Variants in RXRA observed in about 807,000 individuals in gnomAD.
The protein encoded by RXRA is retinoid X receptor alpha, also known as retinoic acid receptor RXR-alpha.
In RXRA, 5 loss-of-function variants were observed where a neutral mutation model predicts 44.5. That is an observed-to-expected ratio of 0.11 (90% CI 0.06 to 0.24). RXRA has a LOEUF of 0.24. Among genes scored for constraint, RXRA ranks in the 10% least tolerant of loss-of-function variants. The pLI, the probability that RXRA is intolerant of heterozygous loss-of-function variation, is 1.00. For missense variants in RXRA, 412 were observed against 646.5 expected (o/e 0.64, Z 3.93); for synonymous variants, 291 against 271.4 (o/e 1.07, Z -0.71).
In RXRA at chr9:134,391,303, G is replaced by T. The variant is rs566312749; in HGVS notation, c.29-10329G>T. Reference sequence around the variant, plus strand: ...AGGGGTGTTCCTGAGCCAGGTGGCCGTGCACATGAAGGTGGAGACGAGAGC... The same window carrying T: ...AGGGGTGTTCCTGAGCCAGGTGGCCTTGCACATGAAGGTGGAGACGAGAGC... On this transcript the variant is annotated intron_variant, in intron 1 of 9. Coordinates refer to ENST00000481739, the MANE Select transcript of RXRA (RefSeq NM_002957.6). Among the ~76,000 whole-genome samples the T allele has an allele frequency of 1.0e-3, 153 of 152,324 alleles. 2 individuals carry two copies. The highest frequency in any genetic ancestry group is 1.7e-3 in the Non-Finnish European group (113 of 68,012).
At chr9:134,330,938 C>G (rs1554746559) in intron 1 of RXRA, among the ~76,000 whole-genome samples, 1 of 152,236 alleles carries the variant, frequency 6.6e-6, no homozygotes, top group Non-Finnish European at 1.5e-5. Flanking sequence ...TATCCTGTGG[C>G]TAGGTCCTCT....
At chr9:134,331,801 G>A (rs974803336) in intron 1 of RXRA, among the ~76,000 whole-genome samples, 25 of 152,300 alleles carry the variant, frequency 1.6e-4, no homozygotes, top group African/African-American at 4.8e-4. Context: ...CTTGACTGGC[G>A]GGGGCCGCCT....
chr9:134,344,666 C>T (rs1830128732), intron 1 of RXRA, among the ~76,000 whole-genome samples: 1 of 152,148 alleles, frequency 6.6e-6, no homozygotes. Flanking sequence ...TCTGTGGCTC[C>T]CCAGGGTGGA....
chr9:134,436,641 C>A lies in RXRA; in HGVS notation c.*27C>A, dbSNP rs751034931. 1.2e-6 allele frequency: 2 copies of A among 1,612,396 alleles called. No homozygotes were observed. The stretch of plus-strand genomic sequence containing the variant: ...CCTGCGGGCCCATCCTTTGTGCCCA[C>A]CCGTTCTGGCCACCCTGCCTGGACG... On this transcript the variant is annotated 3_prime_UTR_variant, in exon 10 of 10. Transcript: ENST00000481739.
intron 7 of RXRA, among the ~76,000 whole-genome samples, chr9:134,430,177 C>T (rs541456346): frequency 1.1e-3 from 166 of 152,354 alleles, no homozygotes; most frequent in African/African-American, 3.7e-3. Context: ...TGAGCCGCCG[C>T]GCCCGGCCTC....
Position 134,336,120 on chromosome 9 carries a change from G to T in RXRA, c.28+9461G>T, listed in dbSNP as rs1830000763. Among the ~76,000 whole-genome samples the T allele has an allele frequency of 1.3e-5, 2 of 152,164 alleles. 1 individual carries two copies. The highest frequency in any genetic ancestry group is 4.1e-4 in the South Asian group (2 of 4,830). ...GCAGGGAGGCGGGGCCTTCGTCAGG[G>T]GTGCCAGGTCACTCTGGGCACAGAC... On this transcript the variant is annotated intron_variant, in intron 1 of 9. Transcript: ENST00000481739.
intron 1 of RXRA, among the ~76,000 whole-genome samples, chr9:134,369,729 G>T (rs926170631): frequency 6.6e-6 from 1 of 151,998 alleles, no homozygotes; most frequent in Non-Finnish European, 1.5e-5. Flanking sequence ...GAGGCCTCTC[G>T]GGTATCCTGT....
rs1375177570 is a variant in RXRA at position 134,366,043 on chromosome 9, C to T, written c.29-35589C>T. ...GCCTCCACCCCTGCCTCCACCCCTC[C>T]CTTTTTGGGAGGTGGGGCTTGGCAT... On this transcript the variant is annotated intron_variant, in intron 1 of 9. Transcript: ENST00000481739. The surrounding 1 kb of genome is among the most constrained non-coding windows in gnomAD (Gnocchi z 5.9). 6.6e-5 allele frequency among the ~76,000 whole-genome samples: 10 copies of T among 152,160 alleles called. No homozygotes were observed. The highest frequency in any genetic ancestry group is 6.5e-4 in the Admixed American group (10 of 15,284).
chr9:134,361,596 A>G (rs1830352835), intron 1 of RXRA, among the ~76,000 whole-genome samples: 1 of 152,210 alleles, frequency 6.6e-6, no homozygotes, highest in African/African-American at 2.4e-5. Context: ...AGGGCCTTCC[A>G]CACCGTCAGT....
At position 134,343,532 on chromosome 9, in the gene RXRA, A is replaced by G. The variant is rs1187193655; in HGVS notation, c.28+16873A>G. ...GCATTTTTTTGGGAGGAGTGGTTGC[A>G]GGGGCAGCTAGTTCTGGAACCATCC... On this transcript the variant is annotated intron_variant, in intron 1 of 9. Coordinates refer to ENST00000481739, the MANE Select transcript of RXRA (RefSeq NM_002957.6). This position sits in a 1 kb window ranked among gnomAD's most constrained non-coding sequence, Gnocchi z 4.1. Among the ~76,000 whole-genome samples, 5 of 152,086 alleles carry G rather than the reference A, an allele frequency of 3.3e-5. No individual in the cohort carries two copies. Among genetic ancestry groups the G allele is most frequent in the Non-Finnish European group, 7.4e-5 (5 of 68,002 alleles).
chr9:134,431,626 C>T (rs1380358156), intron 7 of RXRA, among the ~76,000 whole-genome samples: 1 of 152,220 alleles, frequency 6.6e-6, no homozygotes, highest in Admixed American at 6.5e-5. Context: ...CTCCTTAGCA[C>T]CTCGGTTCCC....
rs533431481 is a variant in RXRA at position 134,353,625 on chromosome 9, G to A, written c.28+26966G>A. On this transcript the variant is annotated intron_variant, in intron 1 of 9. Transcript: ENST00000481739. The stretch of plus-strand genomic sequence containing the variant: ...TGCTTCTCCCCACAGCTAGCGGGGA[G>A]GACGTTGGCAGCTTTTCTGCCTCCT... Among the ~76,000 whole-genome samples the A allele has an allele frequency of 2.6e-5, 4 of 152,342 alleles. No individual in the cohort carries two copies. In the South Asian group the frequency reaches 8.3e-4, roughly 32 times the overall value.
At chr9:134,398,508 C>T (rs1830913419) in intron 1 of RXRA, among the ~76,000 whole-genome samples, 1 of 152,216 alleles carries the variant, frequency 6.6e-6, no homozygotes, top group South Asian at 2.1e-4. Flanking sequence ...GTCACCCAGG[C>T]TCTGGGAAGG....
Position 134,326,530 on chromosome 9 carries a change from C to T in RXRA, c.-102C>T, listed in dbSNP as rs1453731725. ...CGCGCGCCGCCGCCGCCACCGCAGCCGCCGGCTCCCCGCCGCCCGGGCCCG... is the reference window on the plus strand; with the variant it reads ...CGCGCGCCGCCGCCGCCACCGCAGCTGCCGGCTCCCCGCCGCCCGGGCCCG... On this transcript the variant is annotated 5_prime_UTR_variant, in exon 1 of 10. Coordinates refer to ENST00000481739, the MANE Select transcript of RXRA (RefSeq NM_002957.6). 5.7e-5 allele frequency: 9 copies of T among 158,324 alleles called. No individual in the cohort carries two copies. Among genetic ancestry groups the T allele is most frequent in the Non-Finnish European group, 8.9e-5 (7 of 78,420 alleles). 9.8% of individuals were successfully genotyped at this position (158,324 alleles called of 1,614,324 possible). A position where few individuals can be genotyped will look rare whatever the true frequency, so the allele number is the denominator to read the frequency against.
intron 6 of RXRA, chr9:134,424,904 C>A: frequency 1.2e-5 from 12 of 985,460 alleles, no homozygotes; most frequent in Non-Finnish European, 1.4e-5. Flanking sequence ...CGCCCAGCTC[C>A]GGCAGGTGCC....
chr9:134,377,378 T>C (rs528013175), intron 1 of RXRA, among the ~76,000 whole-genome samples: 1 of 151,858 alleles, frequency 6.6e-6, no homozygotes, highest in African/African-American at 2.4e-5. Flanking sequence ...ATGGGAGGCC[T>C]GGAGCATGGG....
chr9:134,369,012 GT>G (rs1349993067), intron 1 of RXRA, among the ~76,000 whole-genome samples: 8 of 80,646 alleles, frequency 9.9e-5, no homozygotes, highest in Admixed American at 5.2e-4. Flanking sequence ...GTGTGTGTGT[GT>G]GGGGGGGGTT....
intron 1 of RXRA, among the ~76,000 whole-genome samples, chr9:134,344,485 C>T (rs1392555010): frequency 6.6e-6 from 1 of 152,186 alleles, no homozygotes; most frequent in African/African-American, 2.4e-5. Context: ...GGCACCCGCC[C>T]AAGGCTTAGA....
chr9:134,432,011 C>T lies in RXRA; in HGVS notation c.1135+15C>T, dbSNP rs202134357. ...CTTTAACCCTGGTATGGCCTTCCTG[C>T]CTTGAGGCTTCTGGCCCCGTTCTCT... On this transcript the variant is annotated intron_variant, in intron 8 of 9. Transcript: ENST00000481739. 62 of 1,604,592 alleles carry T rather than the reference C, an allele frequency of 3.9e-5. No individual in the cohort carries two copies. Among genetic ancestry groups the T allele is most frequent in the Admixed American group, 3.0e-4 (18 of 59,890 alleles).
Sources: allele counts gnomAD v4.1 joint callset (sites outside exome capture counted in the v4.1 genomes callset), GRCh38; gene constraint gnomAD v4.1.1; non-coding constraint Gnocchi (gnomAD v3.1); transcripts MANE v1.5; gene names NCBI Gene and HGNC (gene_info 2026-07-23, HGNC 2026-07-21).